The following RARS2 variants were observed in gnomAD, a reference collection of about 807,000 sequenced individuals.
RARS2 encodes arginyl-tRNA synthetase 2, mitochondrial.
Under a neutral mutation model 88.5 loss-of-function variants are expected in RARS2, and 67 were observed. The ratio of observed to expected loss-of-function variants is 0.76; its 90% CI spans 0.62 to 0.93. RARS2 has a LOEUF of 0.93. Among genes scored for constraint, RARS2 ranks in the 40% least tolerant of loss-of-function variants. The pLI is 0.00. For missense variants in RARS2, 664 were observed against 684.2 expected (o/e 0.97, Z 0.33); for synonymous variants, 239 against 230.3 (o/e 1.04, Z -0.34).
intron 8 of RARS2, among the ~76,000 whole-genome samples, chr6:87,532,669 A>G (rs1371445542): frequency 6.6e-6 from 1 of 152,146 alleles, no homozygotes; most frequent in Non-Finnish European, 1.5e-5. Flanking sequence ...TTTGCTTTGT[A>G]TCCCTTCACT....
At chr6:87,586,885 T>G (rs879778854) in intron 1 of RARS2, among the ~76,000 whole-genome samples, 3 of 16,702 alleles carry the variant, frequency 1.8e-4, no homozygotes, top group African/African-American at 1.3e-3. Flanking sequence ...GGGTTGGTTA[T>G]TTATTTATTT....
In RARS2 at chr6:87,589,926, CA is replaced by C. The variant is rs775648499; in HGVS notation, c.31del (p.Cys11AlafsTer7). On this transcript the variant is annotated frameshift_variant, in exon 1 of 20. Coordinates refer to ENST00000369536, the MANE Select transcript of RARS2 (RefSeq NM_020320.5). LOFTEE classifies it high-confidence loss of function. The stretch of plus-strand genomic sequence containing the variant: ...TGCGCGCTCCGGGATCCATACCTGG[CA>C]AGCAATAGCGCGGCGAAAGCCGCAC... MACGFRRAIACQLSRVLNLPP... is the reference protein window; with the variant it reads MACGFRRAIAXQLSRVLNLPP... 1 of 1,606,390 alleles carries C rather than the reference CA, an allele frequency of 6.2e-7. No individual in the cohort carries two copies. Among genetic ancestry groups the C allele is most frequent in the Non-Finnish European group, 8.5e-7 (1 of 1,175,378 alleles).
At chr6:87,586,471 T>C (rs563811578) in intron 1 of RARS2, among the ~76,000 whole-genome samples, 2 of 151,980 alleles carry the variant, frequency 1.3e-5, no homozygotes, top group Admixed American at 1.3e-4. Context: ...CAAAACTTTG[T>C]CTGACCCTTA....
At chr6:87,537,449 A>T (rs749627202) in intron 8 of RARS2, among the ~76,000 whole-genome samples, 2 of 152,264 alleles carry the variant, frequency 1.3e-5, no homozygotes, top group Non-Finnish European at 2.9e-5. Context: ...TAACAAAGTA[A>T]GTTAAATTCT....
At chr6:87,533,813 A>G (rs919150940) in intron 8 of RARS2, among the ~76,000 whole-genome samples, 4 of 152,234 alleles carry the variant, frequency 2.6e-5, no homozygotes, top group Non-Finnish European at 5.9e-5. Flanking sequence ...AATTAAAAGT[A>G]GTATGATAAG....
rs181740811 is a variant in RARS2 at position 87,548,659 on chromosome 6, T to A, written c.396-13A>T. 7.8e-5 allele frequency: 126 copies of A among 1,609,838 alleles called. No homozygotes were observed. The East Asian group carries it at 1.3e-3, about 16-fold the overall frequency. Reference sequence around the variant, plus strand: ...AACATTAGGTGAACTGCAAAAAAAATGGGAAACATTTCTCTATTCTAAGAC... The same window carrying A: ...AACATTAGGTGAACTGCAAAAAAAAAGGGAAACATTTCTCTATTCTAAGAC... On this transcript the variant is annotated splice_polypyrimidine_tract_variant and intron_variant, in intron 5 of 19. Transcript: ENST00000369536.
intron 8 of RARS2, among the ~76,000 whole-genome samples, chr6:87,540,001 T>A (rs1708609513): frequency 6.6e-6 from 1 of 152,110 alleles, no homozygotes; most frequent in Admixed American, 6.6e-5. Context: ...CCATGAAGAA[T>A]TATTAATTTT....
At chr6:87,524,434 TAC>T (rs1774992550) in intron 11 of RARS2, 121 bp downstream of exon 11, 4 of 825,496 alleles carry the variant, frequency 4.8e-6, no homozygotes, top group Non-Finnish European at 8.2e-6. Flanking sequence ...ACTTCAGTTT[TAC>T]AGTTTATAGA....
chr6:87,541,975 G>A lies in RARS2; in HGVS notation c.555C>T (p.Phe185=), dbSNP rs772578616. 1.2e-5 allele frequency: 20 copies of A among 1,613,134 alleles called. No individual in the cohort carries two copies. The highest frequency in any genetic ancestry group is 3.3e-4 in the Middle Eastern group (2 of 6,084). The stretch of plus-strand genomic sequence containing the variant: ...GTTTTTCCTCATAGCCAAACAGCTG[G>A]AAGCCAGTTCCCAGAAGACCTACCA... ...GMQFGLLGTG[F]QLFGYEEKLQ... is the part of the protein sequence containing the mutation. The change falls in exon 8 of 20, where the codon TTC becomes TTT. Residue 185 remains phenylalanine (F), a synonymous_variant. Transcript: ENST00000369536.
chr6:87,564,158 T>A lies in RARS2; in HGVS notation c.185A>T (p.Gln62Leu), dbSNP rs773447656. 22 of 1,612,832 alleles carry A rather than the reference T, an allele frequency of 1.4e-5. No homozygotes were observed. The highest frequency in any genetic ancestry group is 1.9e-5 in the Non-Finnish European group (22 of 1,178,988). ...KDNDHSRPDI[Q>L]VQAKRLAEKL... ...CTCTGCTAGTCTCTTGGCTTGAACTTGAATATCTGGTCTTGAATGGTCATT... is the reference window on the plus strand; with the variant it reads ...CTCTGCTAGTCTCTTGGCTTGAACTAGAATATCTGGTCTTGAATGGTCATT... Residue 62 changes from glutamine (Q) to leucine (L), a missense_variant, in exon 3 of 20, where the codon CAA (glutamine) becomes CTA (leucine). Coordinates refer to ENST00000369536, the MANE Select transcript of RARS2 (RefSeq NM_020320.5).
intron 4 of RARS2, 111 bp downstream of exon 4, chr6:87,562,590 CA>C: frequency 1.3e-6 from 1 of 776,570 alleles, no homozygotes. Context: ...TCAGTATGTG[CA>C]AAGGTTTTGA....
intron 1 of RARS2, among the ~76,000 whole-genome samples, chr6:87,586,716 T>C (rs535692239): frequency 4.6e-5 from 7 of 152,254 alleles, no homozygotes; most frequent in African/African-American, 1.7e-4. Flanking sequence ...ATTCCTTCAT[T>C]CCTAAACTAT....
Position 87,555,408 on chromosome 6 carries a change from C to G in RARS2, c.395G>C (p.Ser132Thr). The G allele has an allele frequency of 6.2e-7, 1 of 1,612,804 alleles. No individual in the cohort carries two copies. Among genetic ancestry groups the G allele is most frequent in the Non-Finnish European group, 8.5e-7 (1 of 1,178,864 alleles). The change falls in exon 5 of 20, where the codon AGT becomes ACT. Residue 132 changes from serine (S) to threonine (T), a missense_variant and splice_region_variant. Physicochemically the swap from Ser to Thr is moderately conservative, Grantham distance 58 (BLOSUM62 1). Transcript: ENST00000369536. ...LPQKKIVVEFSSPNVAKKFHV... is the reference protein window; with the variant it reads ...LPQKKIVVEFTSPNVAKKFHV... ...ACACATAAAAGGGGTGCACCCTCAC[C>G]TGAATTCAACCACAATCTTCTTCTG...
At chr6:87,585,916 C>T (rs893878352) in intron 1 of RARS2, among the ~76,000 whole-genome samples, 12 of 152,084 alleles carry the variant, frequency 7.9e-5, no homozygotes, top group Non-Finnish European at 1.2e-4. Context: ...GAATAATCTA[C>T]GCAATGGGAA....
chr6:87,520,290 A>G, intron 12 of RARS2, 34 bp from the exon 13 acceptor site: 1 of 1,466,854 alleles, frequency 6.8e-7, no homozygotes, highest in Non-Finnish European at 9.5e-7. Context: ...ATAAAAGAAT[A>G]CTGACAAATT....
At position 87,589,907 on chromosome 6, in the gene RARS2, C is replaced by A. The variant is rs775353399; in HGVS notation, c.36+15G>T. 3.1e-6 allele frequency: 5 copies of A among 1,614,238 alleles called. No homozygotes were observed. Among genetic ancestry groups the A allele is most frequent in the Non-Finnish European group, 4.2e-6 (5 of 1,180,044 alleles). ...AGCTCCTCAGGGACTCCTCTGCGCG[C>A]TCCGGGATCCATACCTGGCAAGCAA... On this transcript the variant is annotated intron_variant, in intron 1 of 19. Coordinates refer to ENST00000369536, the MANE Select transcript of RARS2 (RefSeq NM_020320.5).
At chr6:87,577,914 C>T (rs1304013694) in intron 1 of RARS2, among the ~76,000 whole-genome samples, 4 of 152,162 alleles carry the variant, frequency 2.6e-5, no homozygotes, top group Admixed American at 6.5e-5. Context: ...TTAGGAAATA[C>T]ATCAATAATT....
intron 5 of RARS2, among the ~76,000 whole-genome samples, chr6:87,554,779 C>T (rs1392281213): frequency 6.6e-6 from 1 of 152,144 alleles, no homozygotes; most frequent in Admixed American, 6.5e-5. Context: ...ATGGTAGTAA[C>T]CATTACCTCT....
Position 87,529,568 on chromosome 6 carries a change from C to G in RARS2, c.852G>C (p.Glu284Asp), listed in dbSNP as rs764639091. The change falls in exon 10 of 20, where the codon GAG (glutamate) becomes GAC (aspartate). Residue 284 changes from glutamate to aspartate, a missense_variant. Transcript: ENST00000369536. ...EKSQEVLKLLESKGLLLKTIK... is the reference protein window; with the variant it reads ...EKSQEVLKLLDSKGLLLKTIK... ...TTGTTTTCAGTAGGAGTCCTTTACT[C>G]TCCAGCAACTTTAAGACCTCTTGAG... is the stretch of plus-strand genomic sequence containing the variant. 2 of 1,600,444 alleles carry G rather than the reference C, an allele frequency of 1.2e-6. No individual in the cohort carries two copies. Among genetic ancestry groups the G allele is most frequent in the Non-Finnish European group, 1.7e-6 (2 of 1,167,638 alleles).
Sources: gnomAD v4.1 joint callset for allele counts (sites outside exome capture counted in the v4.1 genomes callset) on GRCh38, gnomAD v4.1.1 for gene constraint, MANE v1.5 for transcripts, NCBI Gene and HGNC (gene_info 2026-07-23, HGNC 2026-07-21) for gene names.